Variants in NTRK3 observed in about 807,000 individuals in gnomAD.
The protein encoded by NTRK3 is NT-3 growth factor receptor.
A neutral mutation model predicts 91.7 loss-of-function variants in NTRK3; 24 were observed. That is an observed-to-expected ratio of 0.26 (90% confidence interval 0.19 to 0.37). The LOEUF (loss-of-function observed/expected upper bound fraction) is 0.37, where lower values mean the gene tolerates loss of function less well. Ranked by LOEUF, NTRK3 falls within the 10% of genes least tolerant of loss-of-function variation. The probability of loss-of-function intolerance (pLI) is 1.00; values close to 1 mark genes in which losing one functional copy is unlikely to be tolerated. For synonymous variants in NTRK3, 483 were observed against 404.0 expected (o/e 1.20, Z -2.34); for missense variants, 880 against 1,068.9 (o/e 0.82, Z 2.46).
intron 13 of NTRK3, among the ~76,000 whole-genome samples, chr15:88,064,175 A>G (rs1457281426): frequency 5.9e-5 from 9 of 152,236 alleles, no homozygotes; most frequent in Admixed American, 6.5e-5. Flanking sequence ...TGGAAGCTGA[A>G]AGAGACAAAG....
chr15:88,130,199 C>G (rs2053668893), intron 10 of NTRK3, among the ~76,000 whole-genome samples: 1 of 151,972 alleles, frequency 6.6e-6, no homozygotes. Flanking sequence ...GAATTACCAG[C>G]CATAGAACAA....
At chr15:88,066,149 T>C (rs2142576618) in intron 13 of NTRK3, among the ~76,000 whole-genome samples, 1 of 152,334 alleles carries the variant, frequency 6.6e-6, no homozygotes, top group Middle Eastern at 3.4e-3. Flanking sequence ...ATGTCAATTC[T>C]CTGATGATAA....
intron 13 of NTRK3, among the ~76,000 whole-genome samples, chr15:88,093,167 T>C (rs1013062396): frequency 1.3e-5 from 2 of 152,044 alleles, no homozygotes; most frequent in Non-Finnish European, 2.9e-5. Context: ...ACATGAATTT[T>C]TTTCCCTTAA....
At chr15:87,967,766 C>G (rs2141249185) in intron 14 of NTRK3, among the ~76,000 whole-genome samples, 1 of 152,308 alleles carries the variant, frequency 6.6e-6, no homozygotes, top group South Asian at 2.1e-4. Flanking sequence ...TGAAGTCTTT[C>G]TTGTATATTT....
exon 19 of NTRK3, chr15:87,876,892 G>C: frequency 3.1e-6 from 5 of 1,603,054 alleles, no homozygotes; most frequent in Non-Finnish European, 4.3e-6. Context: ...GAGGCAGGGA[G>C]AGAGGAGGCA....
At chr15:88,079,893 A>T (rs56332523) in intron 13 of NTRK3, among the ~76,000 whole-genome samples, 55,358 of 152,060 alleles carry the variant, frequency 0.36, 10,428 homozygotes, top group Non-Finnish European at 0.42. Flanking sequence ...TGGCTGGCAT[A>T]TATCTTTCCA....
chr15:87,990,042 G>A (rs1250615902), intron 14 of NTRK3, among the ~76,000 whole-genome samples: 1 of 151,906 alleles, frequency 6.6e-6, no homozygotes. Flanking sequence ...CCTCCATCTA[G>A]CTTCCTGGGA....
chr15:88,141,001 A>C (rs987738638), intron 6 of NTRK3, among the ~76,000 whole-genome samples: 9 of 152,226 alleles, frequency 5.9e-5, no homozygotes, highest in Non-Finnish European at 1.0e-4. Context: ...AGAGACAGGA[A>C]ATCAACGGCA....
chr15:87,950,717 T>G (rs2141108227), intron 14 of NTRK3, among the ~76,000 whole-genome samples: 1 of 152,348 alleles, frequency 6.6e-6, no homozygotes, highest in African/African-American at 2.4e-5. Flanking sequence ...TGTACAGTCG[T>G]ACATTTGGAG....
At chr15:88,051,886 G>A (rs994339999) in intron 13 of NTRK3, among the ~76,000 whole-genome samples, 2 of 152,180 alleles carry the variant, frequency 1.3e-5, no homozygotes, top group Non-Finnish European at 2.9e-5. Flanking sequence ...TTCCATGCTA[G>A]GGGATCACAG....
At chr15:88,088,876 C>G (rs2048749201) in intron 13 of NTRK3, among the ~76,000 whole-genome samples, 1 of 152,128 alleles carries the variant, frequency 6.6e-6, no homozygotes. Flanking sequence ...GGGTAGGCTG[C>G]TTAACCTCTC....
intron 3 of NTRK3, among the ~76,000 whole-genome samples, chr15:88,251,021 G>T (rs142217206): frequency 6.0e-4 from 92 of 152,328 alleles, no homozygotes; most frequent in African/African-American, 2.1e-3. Context: ...GGGTGCAGAT[G>T]GGGAGTCACG....
chr15:88,175,051 T>C (rs1014218262), intron 5 of NTRK3, among the ~76,000 whole-genome samples: 7 of 152,232 alleles, frequency 4.6e-5, no homozygotes, highest in Non-Finnish European at 7.3e-5. Flanking sequence ...CAGAAAAGAA[T>C]TGGGTAATAG....
intron 3 of NTRK3, among the ~76,000 whole-genome samples, chr15:88,231,400 A>G (rs2051166392): frequency 6.6e-6 from 1 of 151,780 alleles, no homozygotes. Context: ...CTCTTCCTCA[A>G]TCTGTGTCAC....
intron 14 of NTRK3, among the ~76,000 whole-genome samples, chr15:87,955,702 G>T (rs1254483415): frequency 6.6e-6 from 1 of 152,096 alleles, no homozygotes; most frequent in Non-Finnish European, 1.5e-5. Flanking sequence ...ACGACCATTG[G>T]CCCCATTCCA....
At chr15:88,214,810 C>A (rs184780407) in intron 3 of NTRK3, among the ~76,000 whole-genome samples, 10 of 152,218 alleles carry the variant, frequency 6.6e-5, no homozygotes, top group Non-Finnish European at 1.0e-4. Context: ...TGTCCCATAA[C>A]CGGCTGGGCA....
At chr15:88,124,412 A>T (rs1448097468) in intron 13 of NTRK3, among the ~76,000 whole-genome samples, 1 of 152,182 alleles carries the variant, frequency 6.6e-6, no homozygotes, top group East Asian at 1.9e-4. Context: ...GCTGTTCCAG[A>T]AACAGGATGA....
intron 5 of NTRK3, among the ~76,000 whole-genome samples, chr15:88,183,010 C>A (rs1567601012): frequency 7.0e-6 from 1 of 143,422 alleles, no homozygotes; most frequent in Non-Finnish European, 1.5e-5. Flanking sequence ...TTTCTTCTTG[C>A]AACCCCCCCC....
chr15:87,875,313 G>C, exon 19 of NTRK3: 1 of 230,502 alleles, frequency 4.3e-6, no homozygotes, highest in Non-Finnish European at 8.6e-6. Flanking sequence ...CAGCAGAGGA[G>C]ATCTGTGGGG....
Sources: gnomAD v4.1 joint callset for allele counts (sites outside exome capture counted in the v4.1 genomes callset) on GRCh38, gnomAD v4.1.1 for gene constraint, MANE v1.5 for transcripts, NCBI Gene and HGNC (gene_info 2026-07-23, HGNC 2026-07-21) for gene names.